Variants in SLC51A observed in about 807,000 individuals in gnomAD.
The protein encoded by SLC51A is solute carrier family 51 member A.
SLC51A carries 22 observed loss-of-function variants against 34.8 expected under a neutral mutation model. That is an observed-to-expected ratio of 0.63 (90% CI 0.45 to 0.90). The LOEUF (loss-of-function observed/expected upper bound fraction) is 0.90. Ranked by LOEUF, SLC51A falls within the 40% of genes least tolerant of loss-of-function variation. SLC51A has a pLI of 0.00. For missense variants in SLC51A, 371 were observed against 414.8 expected (o/e 0.89, Z 0.92); for synonymous variants, 181 against 176.3 (o/e 1.03, Z -0.21).
chr3:196,222,208 C>T (rs1723776374), intron 2 of SLC51A, among the ~76,000 whole-genome samples: 2 of 152,122 alleles, frequency 1.3e-5, no homozygotes, highest in African/African-American at 2.4e-5. Context: ...CTTTGCTATT[C>T]CAGAGACAGT....
chr3:196,219,439 T>A (rs1723685411), intron 2 of SLC51A, among the ~76,000 whole-genome samples: 1 of 152,218 alleles, frequency 6.6e-6, no homozygotes, highest in Non-Finnish European at 1.5e-5. Context: ...TGTAGCACAT[T>A]TAACACGTTT....
At position 196,226,974 on chromosome 3, in the gene SLC51A, C is replaced by A. The variant is rs1279846903; in HGVS notation, c.143C>A (p.Pro48His). ...CCTTCTCCTCCTCTAGCCCTGGGCCCTGTGGAACTTGCCCTCACTAGCATC... is the reference window on the plus strand; with the variant it reads ...CCTTCTCCTCCTCTAGCCCTGGGCCATGTGGAACTTGCCCTCACTAGCATC... The part of the protein sequence containing the change: ...TAAQLLRALG[P>H]VELALTSILT... Residue 48 changes from proline (P) to histidine (H), a missense_variant, in exon 3 of 9, where the codon CCT (proline) becomes CAT (histidine). Transcript: ENST00000296327. 1 of 1,613,332 alleles carries A rather than the reference C, an allele frequency of 6.2e-7. No individual in the cohort carries two copies. The highest frequency in any genetic ancestry group is 1.1e-5 in the South Asian group (1 of 90,986).
At chr3:196,219,887 C>T (rs1325782265) in intron 2 of SLC51A, among the ~76,000 whole-genome samples, 3 of 152,166 alleles carry the variant, frequency 2.0e-5, no homozygotes, top group South Asian at 2.1e-4. Context: ...GCAATGAAAA[C>T]GGTTCTCACA....
At chr3:196,232,578 C>T (rs143460875) in intron 8 of SLC51A, 54 bp downstream of exon 8, 24 of 1,465,930 alleles carry the variant, frequency 1.6e-5, no homozygotes, top group Non-Finnish European at 2.1e-5. Context: ...CGGGGAGAGT[C>T]AGGAAAGAAG....
rs765303073 is a variant in SLC51A, at chr3:196,226,927, A to G, written c.134-38A>G. 3 of 1,577,556 alleles carry G rather than the reference A, an allele frequency of 1.9e-6. No homozygotes were observed. In the South Asian group the frequency reaches 3.5e-5, roughly 19 times the overall value. On this transcript the variant is annotated intron_variant, in intron 2 of 8. Coordinates refer to ENST00000296327, the MANE Select transcript of SLC51A (RefSeq NM_152672.6). ...AACAAGCCCAGGCCTTCTCCCGCTC[A>G]GTCCCGGTCGTCAGCTCTCTGCCTT...
intron 6 of SLC51A, among the ~76,000 whole-genome samples, 197 bp downstream of exon 6, chr3:196,229,117 G>A (rs542290066): frequency 6.6e-5 from 10 of 152,312 alleles, no homozygotes; most frequent in East Asian, 1.9e-4. Flanking sequence ...CGTTCCTGCC[G>A]TGGGAGAGGA....
At chr3:196,231,520 C>T (rs1724028413) in intron 7 of SLC51A, among the ~76,000 whole-genome samples, 1 of 152,138 alleles carries the variant, frequency 6.6e-6, no homozygotes, top group Admixed American at 6.5e-5. Context: ...TACATGCCTC[C>T]CAAATGTGAA....
At chr3:196,232,058 A>G (rs1577348906) in intron 7 of SLC51A, among the ~76,000 whole-genome samples, 2 of 152,002 alleles carry the variant, frequency 1.3e-5, no homozygotes, top group Admixed American at 6.6e-5. Context: ...AGGAGCAGGG[A>G]CCTCAGGCAC....
At chr3:196,221,668 A>C (rs549619197) in intron 2 of SLC51A, among the ~76,000 whole-genome samples, 1 of 151,986 alleles carries the variant, frequency 6.6e-6, no homozygotes, top group South Asian at 2.1e-4. Flanking sequence ...GCTATTAGTA[A>C]GTGGCATTTT....
At chr3:196,222,974 A>C (rs969168822) in intron 2 of SLC51A, among the ~76,000 whole-genome samples, 1 of 151,722 alleles carries the variant, frequency 6.6e-6, no homozygotes, top group African/African-American at 2.4e-5. Context: ...ACACTGCAAA[A>C]CCATTTGTGT....
At chr3:196,218,837 T>C (rs1723662821) in intron 2 of SLC51A, among the ~76,000 whole-genome samples, 1 of 142,426 alleles carries the variant, frequency 7.0e-6, no homozygotes, top group Non-Finnish European at 1.5e-5. Context: ...TTTTTCCAAA[T>C]AAAACAGTAA....
In SLC51A at chr3:196,228,832, T is replaced by C. The variant is rs776267012; in HGVS notation, c.545T>C (p.Leu182Ser). The change falls in exon 6 of 9, where the codon TTG (leucine) becomes TCG (serine). Residue 182 changes from leucine to serine, a missense_variant. Physicochemically the swap from Leu to Ser is moderately radical, Grantham distance 145. Coordinates refer to ENST00000296327, the MANE Select transcript of SLC51A (RefSeq NM_152672.6). The surrounding 1 kb of genome is among the most constrained non-coding windows in gnomAD (Gnocchi z 4.9). ...AGGAAGAAGCTTCAGCTGCTGATGT[T>C]GGGCCCTTTCCAATACGCCTTCTTG... ...LTRKKLQLLM[L>S]GPFQYAFLKI... 5.0e-6 allele frequency: 8 copies of C among 1,614,024 alleles called. No homozygotes were observed. The highest frequency in any genetic ancestry group is 1.6e-4 in the Middle Eastern group (1 of 6,076).
intron 3 of SLC51A, 149 bp downstream of exon 3, chr3:196,227,268 G>A: frequency 1.3e-6 from 1 of 743,042 alleles, no homozygotes. Flanking sequence ...ACCTCCCCTT[G>A]CAGTTAGGAT....
At chr3:196,217,985 T>C (rs557078155) in intron 2 of SLC51A, 49 bp downstream of exon 2, 1 of 1,545,450 alleles carries the variant, frequency 6.5e-7, no homozygotes, top group South Asian at 1.2e-5. Flanking sequence ...GAAACCAGGA[T>C]AGCTGAGTGG....
rs75747567 is a variant in SLC51A at position 196,225,977 on chromosome 3, G to A, written c.134-988G>A. Among the ~76,000 whole-genome samples the A allele has an allele frequency of 5.4e-3, 824 of 152,284 alleles. 7 individuals carry two copies. Among genetic ancestry groups the A allele is most frequent in the African/African-American group, 0.019 (785 of 41,542 alleles). On this transcript the variant is annotated intron_variant, in intron 2 of 8. Transcript: ENST00000296327. ...AAGACCAAGCATGAGGCCAGCGTGC[G>A]TCAGGTGTCCTTGGGGTTTTTATTT... is the stretch of plus-strand genomic sequence containing the variant.
chr3:196,230,123 TAAGTGAGGCCAATAAAGGCTA>T, intron 7 of SLC51A, 62 bp downstream of exon 7: 1 of 1,455,564 alleles, frequency 6.9e-7, no homozygotes, highest in Non-Finnish European at 9.2e-7. Flanking sequence ...TTGGGGTTAG[TAAGTGAGGCCAATAAAGGCTA>T]AAGTGGGCCG....
In SLC51A at chr3:196,226,961, C is replaced by G; in HGVS notation, c.134-4C>G. The G allele has an allele frequency of 6.2e-7, 1 of 1,610,838 alleles. No individual in the cohort carries two copies. Among genetic ancestry groups the G allele is most frequent in the Non-Finnish European group, 8.5e-7 (1 of 1,178,344 alleles). ...CGTCAGCTCTCTGCCTTCTCCTCCT[C>G]TAGCCCTGGGCCCTGTGGAACTTGC... On this transcript the variant is annotated splice_region_variant and splice_polypyrimidine_tract_variant and intron_variant, in intron 2 of 8. Coordinates refer to ENST00000296327, the MANE Select transcript of SLC51A (RefSeq NM_152672.6).
chr3:196,230,887 A>G (rs1724016778), intron 7 of SLC51A, among the ~76,000 whole-genome samples: 1 of 152,238 alleles, frequency 6.6e-6, no homozygotes, highest in South Asian at 2.1e-4. Context: ...CTGTTCTTAA[A>G]TAAGGTCACG....
In SLC51A at chr3:196,227,015, C is replaced by T; in HGVS notation, c.184C>T (p.Leu62=). Residue 62 remains leucine, a synonymous_variant, in exon 3 of 9, where the codon CTG becomes TTG. Coordinates refer to ENST00000296327, the MANE Select transcript of SLC51A (RefSeq NM_152672.6). ...CACTAGCATCCTGACCTTGCTGGCG[C>T]TGGGCTCCATTGCCATCTTCCTGGA... is the stretch of plus-strand genomic sequence containing the variant. ...ALTSILTLLA[L]GSIAIFLEDA... 6.2e-7 allele frequency: 1 copy of T among 1,614,058 alleles called. No homozygotes were observed. Among genetic ancestry groups the T allele is most frequent in the Non-Finnish European group, 8.5e-7 (1 of 1,179,996 alleles).
Sources: gnomAD v4.1 joint callset for allele counts (sites outside exome capture counted in the v4.1 genomes callset) on GRCh38, gnomAD v4.1.1 for gene constraint, Gnocchi (gnomAD v3.1) non-coding constraint, MANE v1.5 for transcripts, NCBI Gene and HGNC (gene_info 2026-07-23, HGNC 2026-07-21) for gene names.